TTF2: variants seen among roughly 807,000 people sequenced by gnomAD.
TTF2 encodes the protein RNA polymerase II termination factor.
TTF2 carries 108 observed loss-of-function variants against 142.4 expected under a neutral mutation model. The observed-to-expected ratio is 0.76, with a 90% CI of 0.65 to 0.89. The LOEUF (loss-of-function observed/expected upper bound fraction) is 0.89, where lower values mean the gene tolerates loss of function less well. TTF2 is among the 40% of genes least tolerant of loss of function. TTF2 has a pLI of 0.00. For synonymous variants in TTF2, 483 were observed against 506.2 expected, an observed-to-expected ratio of 0.95 and a Z score of 0.61; for missense variants, 1,327 against 1,379.8, an observed-to-expected ratio of 0.96 and a Z score of 0.61.
intron 11 of TTF2, among the ~76,000 whole-genome samples, chr1:117,084,874 G>T (rs927801171): frequency 6.6e-6 from 1 of 152,178 alleles, no homozygotes; most frequent in East Asian, 1.9e-4. Context: ...CTCCAATTTG[G>T]ATATTTTATC....
chr1:117,079,959 A>G lies in TTF2; in HGVS notation c.1783+310A>G, dbSNP rs1016011412. Among the ~76,000 whole-genome samples, 3 of 151,434 alleles carry G rather than the reference A, an allele frequency of 2.0e-5. No individual in the cohort carries two copies. Among genetic ancestry groups the G allele is most frequent in the South Asian group, 2.1e-4 (1 of 4,806 alleles). ...GAGTGCCAGGCTCGAGGCCAATTTC[A>G]GGAGCCATGGCTAGAGCCAACACAC... is the stretch of plus-strand genomic sequence containing the variant. On this transcript the variant is annotated intron_variant, in intron 9 of 22. Transcript: ENST00000369466. This position sits in a 1 kb window ranked among gnomAD's most constrained non-coding sequence, Gnocchi z 4.2.
intron 12 of TTF2, among the ~76,000 whole-genome samples, chr1:117,088,515 C>T (rs963289467): frequency 4.6e-5 from 7 of 151,468 alleles, no homozygotes; most frequent in Non-Finnish European, 1.0e-4. Context: ...CCAGCCTGGG[C>T]GACGGAGCGA....
rs906787813 is a variant in TTF2, at chr1:117,063,510, G to A, written c.218+1037G>A. ...GAAATCCTACTGCATGTACTCTTCT[G>A]TGTCTGACTTCTTTTACTTAACAGT... On this transcript the variant is annotated intron_variant, in intron 3 of 22. Transcript: ENST00000369466. The surrounding 1 kb of genome is among the most constrained non-coding windows in gnomAD (Gnocchi z 4.1). Among the ~76,000 whole-genome samples the A allele has an allele frequency of 2.0e-4, 31 of 152,070 alleles. No individual in the cohort carries two copies. Among genetic ancestry groups the A allele is most frequent in the Non-Finnish European group, 2.5e-4 (17 of 68,014 alleles).
rs1445719040 is a variant in TTF2 at position 117,090,154 on chromosome 1, G to C, written c.2442G>C (p.Lys814Asn). 9.9e-6 allele frequency: 16 copies of C among 1,614,164 alleles called. No homozygotes were observed. The highest frequency in any genetic ancestry group is 1.4e-5 in the Non-Finnish European group (16 of 1,180,002). ...KGGERLSILTKSLLLRRTKDQ... is the reference protein window; with the variant it reads ...KGGERLSILTNSLLLRRTKDQ... The stretch of plus-strand genomic sequence containing the variant: ...GAGAACGGTTAAGTATTTTAACCAA[G>C]AGCCTTTTGCTGAGGAGAACAAAAG... Residue 814 changes from lysine to asparagine, a missense_variant, in exon 14 of 23, where the codon AAG (lysine) becomes AAC (asparagine). Physicochemically the swap from Lys to Asn is moderately conservative, Grantham distance 94. Transcript: ENST00000369466. This position sits in a 1 kb window ranked among gnomAD's most constrained non-coding sequence, Gnocchi z 4.8.
At chr1:117,068,815 G>A (rs1364576322) in intron 3 of TTF2, among the ~76,000 whole-genome samples, 1 of 152,208 alleles carries the variant, frequency 6.6e-6, no homozygotes, top group African/African-American at 2.4e-5. Flanking sequence ...AGCCATACTT[G>A]TGAGGCGGTG....
Position 117,087,208 on chromosome 1 carries a change from T to C in TTF2, c.2160+686T>C, listed in dbSNP as rs543958976. ...CCAGCTTATAACCAACTCTGACTTA[T>C]AGATGATGAACTTTTCAGATTGCTC... is the stretch of plus-strand genomic sequence containing the variant. On this transcript the variant is annotated intron_variant, in intron 12 of 22. Transcript: ENST00000369466. This position sits in a 1 kb window ranked among gnomAD's most constrained non-coding sequence, Gnocchi z 4.8. 6.6e-6 allele frequency among the ~76,000 whole-genome samples: 1 copy of C among 152,360 alleles called. No homozygotes were observed. The highest frequency in any genetic ancestry group is 1.5e-5 in the Non-Finnish European group (1 of 68,038).
intron 3 of TTF2, among the ~76,000 whole-genome samples, chr1:117,067,464 G>C (rs1455809586): frequency 1.4e-5 from 2 of 145,882 alleles, no homozygotes; most frequent in Non-Finnish European, 3.0e-5. Context: ...AGCGGAGGTT[G>C]CAGTGAGCCA....
intron 10 of TTF2, among the ~76,000 whole-genome samples, chr1:117,082,685 A>G (rs201277082): frequency 6.6e-6 from 1 of 152,168 alleles, no homozygotes; most frequent in East Asian, 1.9e-4. Flanking sequence ...CTATCTTAAC[A>G]TATGTTTTTA....
In TTF2 at chr1:117,075,539, AC is replaced by A; in HGVS notation, c.958del (p.His320ThrfsTer59). 6.2e-7 allele frequency: 1 copy of A among 1,614,090 alleles called. No individual in the cohort carries two copies. Among genetic ancestry groups the A allele is most frequent in the Non-Finnish European group, 8.5e-7 (1 of 1,180,016 alleles). On this transcript the variant is annotated frameshift_variant, in exon 5 of 23. Transcript: ENST00000369466. LOFTEE classifies it high-confidence loss of function. This position sits in a 1 kb window ranked among gnomAD's most constrained non-coding sequence, Gnocchi z 4.5. ...GGGGCATTTCCAAGAGCGGCCGGAGACCCACAGTGTGCCTGCTCCTGGAGGA... is the reference window on the plus strand; with the variant it reads ...GGGGCATTTCCAAGAGCGGCCGGAGACCACAGTGTGCCTGCTCCTGGAGGA... The part of the protein sequence containing the change: ...PQGHFQERPE[T>X]HSVPAPGGPA...
chr1:117,072,469 G>T (rs1344589671), intron 3 of TTF2, among the ~76,000 whole-genome samples: 1 of 133,922 alleles, frequency 7.5e-6, no homozygotes, highest in Non-Finnish European at 1.5e-5. Flanking sequence ...TGTGTCGCCA[G>T]GCTGGAGTGC....
Position 117,101,724 on chromosome 1 carries a change from T to TTAACATAATTG in TTF2, c.*200_*201insTAACATAATTG. 2.3e-6 allele frequency: 1 copy of TTAACATAATTG among 442,862 alleles called. No individual in the cohort carries two copies. The highest frequency in any genetic ancestry group is 3.8e-6 in the Non-Finnish European group (1 of 260,818). 27.4% of individuals were successfully genotyped at this position (442,862 alleles called of 1,614,324 possible). On this transcript the variant is annotated 3_prime_UTR_variant, in exon 23 of 23. Transcript: ENST00000369466. This position sits in a 1 kb window ranked among gnomAD's most constrained non-coding sequence, Gnocchi z 5.9. ...TGTTAACCAATTAGTTAACCAATTATGTTAATAATTTATTTAATGAGTGGT... is the reference window on the plus strand; with the variant it reads ...TGTTAACCAATTAGTTAACCAATTATTAACATAATTGGTTAATAATTTATTTAATGAGTGGT...
At chr1:117,084,344 G>T (rs1377223849) in intron 11 of TTF2, among the ~76,000 whole-genome samples, 176 bp downstream of exon 11, 2 of 152,200 alleles carry the variant, frequency 1.3e-5, no homozygotes, top group Non-Finnish European at 2.9e-5. Flanking sequence ...AGGTCTACTG[G>T]TGATCTTTTG....
At chr1:117,088,260 G>A (rs887173983) in intron 12 of TTF2, among the ~76,000 whole-genome samples, 1 of 152,142 alleles carries the variant, frequency 6.6e-6, no homozygotes, top group African/African-American at 2.4e-5. Context: ...AAAGTCGGCT[G>A]GGCGCGGTGG....
chr1:117,098,992 A>G (rs915406980), intron 22 of TTF2, 85 bp downstream of exon 22: 13 of 1,308,462 alleles, frequency 9.9e-6, no homozygotes, highest in Non-Finnish European at 1.4e-5. Context: ...TTTTCATAGA[A>G]TTTAAAGTAT....
rs371945663 is a variant in TTF2 at position 117,076,813 on chromosome 1, G to A, written c.1563G>A (p.Gln521=). 1.4e-5 allele frequency: 22 copies of A among 1,612,450 alleles called. No homozygotes were observed. Among genetic ancestry groups the A allele is most frequent in the Non-Finnish European group, 1.7e-5 (20 of 1,179,224 alleles). ...ACQVTAGGSS[Q]CYRGHTNQDH... is the part of the protein sequence containing the mutation. ...AGGTGACTGCTGGAGGATCCAGTCA[G>A]TGCTATCGAGGTAAGACCCAAGGGC... The change falls in exon 7 of 23, where the codon CAG becomes CAA. Residue 521 remains glutamine, a synonymous_variant. Coordinates refer to ENST00000369466, the MANE Select transcript of TTF2 (RefSeq NM_003594.4). The surrounding 1 kb of genome is among the most constrained non-coding windows in gnomAD (Gnocchi z 4.6).
rs555744565 is a variant in TTF2 at position 117,080,947 on chromosome 1, C to A, written c.1784-881C>A. On this transcript the variant is annotated intron_variant, in intron 9 of 22. Coordinates refer to ENST00000369466, the MANE Select transcript of TTF2 (RefSeq NM_003594.4). The surrounding 1 kb of genome is among the most constrained non-coding windows in gnomAD (Gnocchi z 4.3). ...CAAGGTTTTTATTGGGGGCTGGTTA[C>A]TTCAGCTGGTTACACAGGTGGCTTC... Among the ~76,000 whole-genome samples, 2 of 152,196 alleles carry A rather than the reference C, an allele frequency of 1.3e-5. No individual in the cohort carries two copies. Among genetic ancestry groups the A allele is most frequent in the Non-Finnish European group, 2.9e-5 (2 of 68,030 alleles).
chr1:117,082,893 A>G (rs1221356154), intron 10 of TTF2, among the ~76,000 whole-genome samples: 1 of 152,198 alleles, frequency 6.6e-6, no homozygotes, highest in East Asian at 1.9e-4. Flanking sequence ...TGTATAGACA[A>G]CACTACATGT....
intron 22 of TTF2, 63 bp downstream of exon 22, chr1:117,098,970 T>G: frequency 7.0e-7 from 1 of 1,437,324 alleles, no homozygotes; most frequent in Non-Finnish European, 9.6e-7. Flanking sequence ...AGTCTTTCTT[T>G]CTTAGGTAGT....
chr1:117,106,907 G>T lies in TTF2; in HGVS notation c.*5383G>T, dbSNP rs561762410. ...CATTAGAGTATGGGTGGGCTGACAGGTATGTGTATGTTTATTATCCAAGAC... is the reference window on the plus strand; with the variant it reads ...CATTAGAGTATGGGTGGGCTGACAGTTATGTGTATGTTTATTATCCAAGAC... On this transcript the variant is annotated 3_prime_UTR_variant, in exon 23 of 23. Transcript: ENST00000369466. 6.6e-6 allele frequency: 1 copy of T among 152,188 alleles called. No individual in the cohort carries two copies. Among genetic ancestry groups the T allele is most frequent in the African/African-American group, 2.4e-5 (1 of 41,448 alleles). 9.4% of individuals were successfully genotyped at this position (152,188 alleles called of 1,614,324 possible). A position where few individuals can be genotyped will look rare whatever the true frequency, so the allele number is the denominator to read the frequency against.
Sources: allele counts gnomAD v4.1 joint callset (sites outside exome capture counted in the v4.1 genomes callset), GRCh38; gene constraint gnomAD v4.1.1; non-coding constraint Gnocchi (gnomAD v3.1); transcripts MANE v1.5; gene names NCBI Gene and HGNC (gene_info 2026-07-23, HGNC 2026-07-21).